Variants in MAPK10 observed in about 807,000 individuals in gnomAD.
The protein encoded by MAPK10 is mitogen-activated protein kinase 10.
A neutral mutation model predicts 59.3 loss-of-function variants in MAPK10; 25 were observed. That is an observed-to-expected ratio of 0.42 (90% CI 0.31 to 0.59). The LOEUF (loss-of-function observed/expected upper bound fraction) is 0.59. Among genes scored for constraint, MAPK10 ranks in the 20% least tolerant of loss-of-function variants. MAPK10 has a pLI of 0.15. For synonymous variants in MAPK10, 190 were observed against 200.5 expected (o/e 0.95, Z 0.44); for missense variants, 351 against 568.9 (o/e 0.62, Z 3.90).
intron 4 of MAPK10, among the ~76,000 whole-genome samples, chr4:86,128,091 T>A (rs2060364360): frequency 2.0e-5 from 3 of 152,084 alleles, no homozygotes; most frequent in Admixed American, 2.0e-4. Context: ...TTTCTAAGTT[T>A]TATGCATCCA....
intron 4 of MAPK10, among the ~76,000 whole-genome samples, chr4:86,114,925 C>T (rs1320420696): frequency 6.6e-6 from 1 of 152,212 alleles, no homozygotes; most frequent in Non-Finnish European, 1.5e-5. Flanking sequence ...CCAGGTTCCA[C>T]CTAAAGAAGC....
intron 2 of MAPK10, among the ~76,000 whole-genome samples, chr4:86,352,829 C>A (rs1732274274): frequency 6.6e-6 from 1 of 152,174 alleles, no homozygotes; most frequent in Non-Finnish European, 1.5e-5. Flanking sequence ...TATTTAAAAT[C>A]TTTCAAAAGC....
At position 86,270,356 on chromosome 4, in the gene MAPK10, T is replaced by C. The variant is rs180961037; in HGVS notation, c.-6-75949A>G. On this transcript the variant is annotated intron_variant, in intron 2 of 13. Coordinates refer to ENST00000641462, the MANE Select transcript of MAPK10 (RefSeq NM_138982.4). The stretch of plus-strand genomic sequence containing the variant: ...GGAAACAGTGAAGAAATATGAGCAA[T>C]GAATGAAAAAAAATGTGTGCTATTT... Among the ~76,000 whole-genome samples the C allele has an allele frequency of 5.8e-3, 880 of 151,520 alleles. 8 individuals carry two copies. The highest frequency in any genetic ancestry group is 0.02 in the African/African-American group (828 of 41,322).
chr4:86,174,432 G>A (rs770024764), intron 3 of MAPK10, among the ~76,000 whole-genome samples: 11 of 152,030 alleles, frequency 7.2e-5, no homozygotes, highest in Non-Finnish European at 1.3e-4. Context: ...GCACATGGAC[G>A]CAGGGAGGGG....
intron 9 of MAPK10, chr4:86,090,335 G>C (rs1318875072): frequency 6.6e-6 from 1 of 152,076 alleles, no homozygotes; most frequent in Non-Finnish European, 1.5e-5. Flanking sequence ...ATTTGGCAGT[G>C]ACCTTAAAGA....
intron 2 of MAPK10, among the ~76,000 whole-genome samples, chr4:86,267,876 T>C (rs2094308335): frequency 6.6e-6 from 1 of 152,192 alleles, no homozygotes; most frequent in Admixed American, 6.6e-5. Context: ...TCCATAGACA[T>C]TGTTAACATC....
At chr4:86,153,033 T>A (rs899418439) in intron 4 of MAPK10, among the ~76,000 whole-genome samples, 5 of 152,190 alleles carry the variant, frequency 3.3e-5, no homozygotes, top group Admixed American at 6.5e-5. Flanking sequence ...CATGGATACA[T>A]TTTAATCCTA....
intron 2 of MAPK10, among the ~76,000 whole-genome samples, chr4:86,291,718 T>C (rs934714452): frequency 1.3e-5 from 2 of 152,206 alleles, no homozygotes; most frequent in Non-Finnish European, 2.9e-5. Flanking sequence ...ATTGCATTGG[T>C]ATTTGCTAAC....
intron 9 of MAPK10, among the ~76,000 whole-genome samples, chr4:86,083,742 C>A (rs1460177538): frequency 6.6e-6 from 1 of 152,156 alleles, no homozygotes; most frequent in African/African-American, 2.4e-5. Context: ...GTGCTGGCAT[C>A]ACCCCTCCTC....
Position 86,591,254 on chromosome 4 carries a change from T to G in MAPK10, c.-263+2656A>C, listed in dbSNP as rs528181832. The stretch of plus-strand genomic sequence containing the variant: ...TATAAATTTATTTTAGTGTTTATTT[T>G]TAGCTACTTAAATTTCTGTGGCTAC... On this transcript the variant is annotated intron_variant, in intron 1 of 4. Coordinates refer to the MAPK10 transcript ENST00000502302. Among the ~76,000 whole-genome samples the G allele has an allele frequency of 3.3e-5, 5 of 152,330 alleles. No homozygotes were observed. The South Asian group carries it at 1.0e-3, about 32-fold the overall frequency.
In MAPK10 at chr4:86,494,842, CAAAAAAAAAAAAAAAAAAAAAAAA is replaced by C. The variant is rs567947232; in HGVS notation, c.-263+99044_-263+99067del. On this transcript the variant is annotated intron_variant, in intron 1 of 4. Coordinates refer to the MAPK10 transcript ENST00000502302. The stretch of plus-strand genomic sequence containing the variant: ...TGGGCGACAGAGAGAGACTCCGTCT[CAAAAAAAAAAAAAAAAAAAAAAAA>C]AAAAAAAAAAAAAAGCTTCACATAT... Among the ~76,000 whole-genome samples, 57 of 23,990 alleles carry C rather than the reference CAAAAAAAAAAAAAAAAAAAAAAAA, an allele frequency of 2.4e-3. 1 individual carries two copies. Among genetic ancestry groups the C allele is most frequent in the African/African-American group, 0.011 (45 of 4,212 alleles). The allele number at this position is 23,990 out of a possible 152,430, so 15.7% of individuals were successfully genotyped here.
intron 2 of MAPK10, among the ~76,000 whole-genome samples, chr4:86,198,506 G>T (rs1018891738): frequency 6.6e-6 from 1 of 151,962 alleles, no homozygotes; most frequent in South Asian, 2.1e-4. Flanking sequence ...ACTGTCAAAG[G>T]CTAATTTATG....
chr4:86,437,328 G>A (rs1298356601), intron 1 of MAPK10, among the ~76,000 whole-genome samples: 1 of 151,760 alleles, frequency 6.6e-6, no homozygotes, highest in East Asian at 1.9e-4. Context: ...AATCTTGATG[G>A]GATATTATAG....
intron 1 of MAPK10, among the ~76,000 whole-genome samples, chr4:86,492,578 G>A (rs553662012): frequency 2.4e-4 from 36 of 152,174 alleles, no homozygotes; most frequent in Non-Finnish European, 4.6e-4. Flanking sequence ...CTTAGTTTTC[G>A]TATTTGTAAA....
At chr4:86,581,224 C>T (rs1002063650) in intron 1 of MAPK10, among the ~76,000 whole-genome samples, 6 of 151,064 alleles carry the variant, frequency 4.0e-5, no homozygotes, top group Non-Finnish European at 7.4e-5. Flanking sequence ...ATTTGACTTT[C>T]TTATGGCATA....
chr4:86,417,132 TTTTC>T (rs1335091274), intron 1 of MAPK10, among the ~76,000 whole-genome samples: 1 of 152,236 alleles, frequency 6.6e-6, no homozygotes, highest in Non-Finnish European at 1.5e-5. Context: ...CTTTTTTCAA[TTTTC>T]TTTCTCTTTT....
chr4:86,589,361 G>T (rs1004240380), intron 1 of MAPK10, among the ~76,000 whole-genome samples: 1 of 152,108 alleles, frequency 6.6e-6, no homozygotes, highest in Non-Finnish European at 1.5e-5. Flanking sequence ...CACTTATCTG[G>T]AAGGCAGCCC....
chr4:86,288,598 C>A (rs1042859575), intron 2 of MAPK10, among the ~76,000 whole-genome samples: 1 of 151,926 alleles, frequency 6.6e-6, no homozygotes, highest in Non-Finnish European at 1.5e-5. Flanking sequence ...TGAATTGCTT[C>A]TTTAGGGAGG....
At chr4:86,315,427 TA>T (rs1161760373) in intron 2 of MAPK10, among the ~76,000 whole-genome samples, 3 of 152,114 alleles carry the variant, frequency 2.0e-5, no homozygotes, top group Non-Finnish European at 4.4e-5. Context: ...GTAACACAAA[TA>T]AATGCTTGAC....
Sources: gnomAD v4.1 joint callset for allele counts (sites outside exome capture counted in the v4.1 genomes callset) on GRCh38, gnomAD v4.1.1 for gene constraint, MANE v1.5 for transcripts, NCBI Gene and HGNC (gene_info 2026-07-23, HGNC 2026-07-21) for gene names.